Variants in MAML1 observed in about 807,000 individuals in gnomAD.
MAML1 encodes mastermind like transcriptional coactivator 1.
In MAML1, 14 loss-of-function variants were observed where a neutral mutation model predicts 77.1. The observed-to-expected ratio is 0.18, with a 90% CI of 0.12 to 0.28. MAML1 has a LOEUF of 0.28. Ranked by LOEUF, MAML1 falls within the 10% of genes least tolerant of loss-of-function variation. The pLI, the probability that MAML1 is intolerant of heterozygous loss-of-function variation, is 1.00. For missense variants in MAML1, 1,217 were observed against 1,327.8 expected (o/e 0.92, Z 1.30); for synonymous variants, 516 against 551.9 (o/e 0.93, Z 0.91).
At chr5:179,767,817 A>G (rs1261312764) in intron 2 of MAML1, among the ~76,000 whole-genome samples, 1 of 152,248 alleles carries the variant, frequency 6.6e-6, no homozygotes, top group Non-Finnish European at 1.5e-5. Context: ...ATGAATAACT[A>G]GAAAGGAGCT....
intron 1 of MAML1, among the ~76,000 whole-genome samples, chr5:179,733,722 G>A (rs1213021720): frequency 6.6e-6 from 1 of 152,238 alleles, no homozygotes; most frequent in Non-Finnish European, 1.5e-5. Context: ...GGGATGTTGA[G>A]ATCTTTATTC....
rs1373473551 is a variant in MAML1, at chr5:179,765,925, A to G, written c.915A>G (p.Ala305=). 2 of 1,614,170 alleles carry G rather than the reference A, an allele frequency of 1.2e-6. No homozygotes were observed. The highest frequency in any genetic ancestry group is 2.2e-5 in the East Asian group (1 of 44,866). ...DINIKTEFSP[A]AFEQEQLGSP... ...ATATTAAGACGGAATTCTCTCCAGC[A>G]GCCTTTGAGCAAGAACAGTTAGGCT... Residue 305 remains alanine (A), a synonymous_variant, in exon 2 of 5, where the codon GCA becomes GCG. Transcript: ENST00000292599.
At chr5:179,763,478 C>T (rs1208464031) in intron 1 of MAML1, among the ~76,000 whole-genome samples, 13 of 150,126 alleles carry the variant, frequency 8.7e-5, no homozygotes, top group Admixed American at 3.3e-4. Context: ...TTCAGACCGA[C>T]TTAGTTACCC....
At chr5:179,736,409 C>G (rs140378633) in intron 1 of MAML1, among the ~76,000 whole-genome samples, 1 of 151,974 alleles carries the variant, frequency 6.6e-6, no homozygotes, top group Admixed American at 6.6e-5. Flanking sequence ...TGTGCCACCA[C>G]GCTCCCCTAA....
rs1445983023 is a variant in MAML1 at position 179,776,713 on chromosome 5, C to T, written c.*1836C>T. On this transcript the variant is annotated 3_prime_UTR_variant, in exon 5 of 5. Transcript: ENST00000292599. ...CATCTGGCTGCTGCCCCGTCTCCCA[C>T]CCCTGTCCCCGGGGCTCGCTGGCCC... The T allele has an allele frequency of 3.0e-6, 3 of 985,940 alleles. No homozygotes were observed. Among genetic ancestry groups the T allele is most frequent in the Non-Finnish European group, 3.6e-6 (3 of 830,016 alleles). 61.1% of individuals were successfully genotyped at this position (985,940 alleles called of 1,614,324 possible). A position where few individuals can be genotyped will look rare whatever the true frequency, so the allele number is the denominator to read the frequency against.
In MAML1 at chr5:179,740,703, G is replaced by C. The variant is rs532780827; in HGVS notation, c.315+7276G>C. 4.6e-5 allele frequency among the ~76,000 whole-genome samples: 7 copies of C among 152,282 alleles called. No individual in the cohort carries two copies. The East Asian group carries it at 1.2e-3, about 25-fold the overall frequency. ...GCCAGGGCTGGGGCTGGTGGTAGCA[G>C]TGGAGATGGAGAAGAGGAGATGGGT... On this transcript the variant is annotated intron_variant, in intron 1 of 4. Coordinates refer to ENST00000292599, the MANE Select transcript of MAML1 (RefSeq NM_014757.5).
At chr5:179,741,683 C>CAA (rs10617185) in intron 1 of MAML1, among the ~76,000 whole-genome samples, 20 of 89,202 alleles carry the variant, frequency 2.2e-4, no homozygotes, top group African/African-American at 3.8e-4. Context: ...GAGACTGTCT[C>CAA]AAAAAAAAAA....
In MAML1 at chr5:179,765,694, C is replaced by A; in HGVS notation, c.684C>A (p.Ile228=). ...CTGTCGAAGACCTGCCTTGCATGATCACTGGGACTGTCGGCTCCATATCGC... is the reference window on the plus strand; with the variant it reads ...CTGTCGAAGACCTGCCTTGCATGATAACTGGGACTGTCGGCTCCATATCGC... ...QEPVEDLPCM[I]TGTVGSISQS... is the part of the protein sequence containing the mutation. Residue 228 remains isoleucine (I), a synonymous_variant, in exon 2 of 5, where the codon ATC becomes ATA. Coordinates refer to ENST00000292599, the MANE Select transcript of MAML1 (RefSeq NM_014757.5). The A allele has an allele frequency of 1.2e-6, 2 of 1,614,142 alleles. No homozygotes were observed. Among genetic ancestry groups the A allele is most frequent in the Non-Finnish European group, 1.7e-6 (2 of 1,179,980 alleles).
chr5:179,756,434 C>CA (rs562720688), intron 1 of MAML1, among the ~76,000 whole-genome samples: 43,415 of 107,932 alleles, frequency 0.4, 7,545 homozygotes, highest in Middle Eastern at 0.48. Context: ...GACTCTGTCT[C>CA]AAAAAAAAAA....
Position 179,766,440 on chromosome 5 carries a change from C to A in MAML1, c.1430C>A (p.Pro477His), listed in dbSNP as rs200515773. The A allele has an allele frequency of 3.1e-4, 502 of 1,612,856 alleles. No homozygotes were observed. The highest frequency in any genetic ancestry group is 5.0e-4 in the Middle Eastern group (3 of 6,052). Residue 477 changes from proline (P) to histidine (H), a missense_variant, in exon 2 of 5, where the codon CCC (proline) becomes CAC (histidine). By Grantham distance (77) the Pro-to-His change is moderately conservative. Coordinates refer to ENST00000292599, the MANE Select transcript of MAML1 (RefSeq NM_014757.5). The surrounding 1 kb of genome is among the most constrained non-coding windows in gnomAD (Gnocchi z 4.0). ...AGTGTGAATAAGAGTTCCCCTCGGC[C>A]CGGAGGCCCCTACCTCCAGCCCAGC... ...MPSVNKSSPR[P>H]GGPYLQPSHV...
intron 1 of MAML1, among the ~76,000 whole-genome samples, chr5:179,760,139 GAAGT>G (rs1430093027): frequency 1.3e-5 from 2 of 151,964 alleles, no homozygotes; most frequent in African/African-American, 2.4e-5. Flanking sequence ...CGGATAGACA[GAAGT>G]AAGAGCTCTG....
intron 1 of MAML1, among the ~76,000 whole-genome samples, chr5:179,739,109 TACA>T (rs1779228326): frequency 6.6e-6 from 1 of 152,218 alleles, no homozygotes; most frequent in Non-Finnish European, 1.5e-5. Flanking sequence ...TGGGCCAGAG[TACA>T]ATCAGCCCTC....
intron 1 of MAML1, among the ~76,000 whole-genome samples, chr5:179,735,721 C>T (rs994389420): frequency 6.7e-6 from 1 of 149,910 alleles, no homozygotes; most frequent in South Asian, 2.1e-4. Context: ...AGCGTCTCGC[C>T]CTGTCACCCA....
At chr5:179,750,921 G>A (rs749037714) in intron 1 of MAML1, among the ~76,000 whole-genome samples, 5 of 152,178 alleles carry the variant, frequency 3.3e-5, no homozygotes, top group Admixed American at 1.3e-4. Context: ...GGGCCCAGGC[G>A]GCAGGTCCCG....
rs574354284 is a variant in MAML1, at chr5:179,771,595, A to G, written c.2068+352A>G. ...TATGTGTCTTCAAAAAATGACTCCT[A>G]TCTTCCAGATAAGGACTTAATGCAC... On this transcript the variant is annotated intron_variant, in intron 4 of 4. Transcript: ENST00000292599. The surrounding 1 kb of genome is among the most constrained non-coding windows in gnomAD (Gnocchi z 4.7). Among the ~76,000 whole-genome samples the G allele has an allele frequency of 1.3e-5, 2 of 152,322 alleles. No homozygotes were observed. The highest frequency in any genetic ancestry group is 1.9e-4 in the East Asian group (1 of 5,184).
chr5:179,748,202 C>A (rs1221413436), intron 1 of MAML1, among the ~76,000 whole-genome samples: 5 of 152,174 alleles, frequency 3.3e-5, no homozygotes, highest in Admixed American at 3.3e-4. Context: ...TGTGTCTCAG[C>A]CTCCTGAGTA....
chr5:179,772,396 T>C (rs959990204), intron 4 of MAML1, among the ~76,000 whole-genome samples: 2 of 152,078 alleles, frequency 1.3e-5, no homozygotes, highest in African/African-American at 2.4e-5. Flanking sequence ...GGATTACAGG[T>C]GTGAGCTACC....
chr5:179,744,265 A>G (rs1166823697), intron 1 of MAML1, among the ~76,000 whole-genome samples: 1 of 151,932 alleles, frequency 6.6e-6, no homozygotes, highest in African/African-American at 2.4e-5. Flanking sequence ...GCTCACCGCA[A>G]CCTCCACTCC....
intron 1 of MAML1, among the ~76,000 whole-genome samples, chr5:179,745,891 G>A (rs989479870): frequency 8.2e-5 from 12 of 146,228 alleles, no homozygotes; most frequent in African/African-American, 2.5e-4. Context: ...AAAATTAGCC[G>A]GGCGTGGTGG....
Sources: allele counts gnomAD v4.1 joint callset (sites outside exome capture counted in the v4.1 genomes callset), GRCh38; gene constraint gnomAD v4.1.1; non-coding constraint Gnocchi (gnomAD v3.1); transcripts MANE v1.5; gene names NCBI Gene and HGNC (gene_info 2026-07-23, HGNC 2026-07-21).